The following SGPP2 variants were observed in gnomAD, a reference collection of about 807,000 sequenced individuals.
SGPP2 encodes the protein sphingosine-1-phosphate phosphatase 2, also known as sphingosine 1-phosphate phosphohydrolase 2.
In SGPP2, 30 loss-of-function variants were observed where a neutral mutation model predicts 33.9. The observed-to-expected ratio is 0.89, with a 90% CI of 0.66 to 1.20. The LOEUF is 1.20. SGPP2 is among the 50% of genes most tolerant of loss of function. SGPP2 has a pLI of 0.00. For missense variants in SGPP2, 458 were observed against 532.1 expected (o/e 0.86, Z 1.37); for synonymous variants, 233 against 225.0 (o/e 1.04, Z -0.32).
chr2:222,541,190 C>T (rs975703355), intron 4 of SGPP2, among the ~76,000 whole-genome samples: 4 of 152,182 alleles, frequency 2.6e-5, no homozygotes, highest in African/African-American at 9.7e-5. Context: ...AGCATGGATG[C>T]CCACTTTCGT....
intron 1 of SGPP2, 22 bp from the exon 2 acceptor site, chr2:222,474,546 T>C: frequency 6.2e-7 from 1 of 1,608,494 alleles, no homozygotes; most frequent in Non-Finnish European, 8.5e-7. Flanking sequence ...ACTCACAGAG[T>C]CTTCTAACTT....
intron 1 of SGPP2, among the ~76,000 whole-genome samples, chr2:222,435,028 G>GTATATATATACACA (rs140612447): frequency 7.1e-5 from 10 of 140,572 alleles, no homozygotes; most frequent in East Asian, 2.1e-4. Context: ...GTATATGTGT[G>GTATATATATACACA]TATATATATG....
At chr2:222,492,348 G>T (rs1698209914) in intron 2 of SGPP2, among the ~76,000 whole-genome samples, 1 of 152,258 alleles carries the variant, frequency 6.6e-6, no homozygotes, top group South Asian at 2.1e-4. Context: ...CTAGATGGGT[G>T]TTCCCAAACC....
chr2:222,424,268 G>T (rs1251907900), upstream of SGPP2, among the ~76,000 whole-genome samples: 1 of 151,664 alleles, frequency 6.6e-6, no homozygotes, highest in Non-Finnish European at 1.5e-5. Flanking sequence ...GGAAGAAGGT[G>T]GGGTGGGGGG....
At position 222,445,487 on chromosome 2, in the gene SGPP2, CATA is replaced by C. The variant is rs1697385082; in HGVS notation, c.219+20667_219+20669del. ...TGACTCACACCAGTTGCTTGACCCA[CATA>C]GGCATTTCAATTCATGACTCCTGGC... On this transcript the variant is annotated intron_variant, in intron 1 of 4. Coordinates refer to ENST00000321276, the MANE Select transcript of SGPP2 (RefSeq NM_152386.4). Among the ~76,000 whole-genome samples, 3 of 152,294 alleles carry C rather than the reference CATA, an allele frequency of 2.0e-5. No homozygotes were observed. The South Asian group carries it at 6.2e-4, about 32-fold the overall frequency.
intron 1 of SGPP2, among the ~76,000 whole-genome samples, chr2:222,447,193 G>A (rs4401204): frequency 0.057 from 8,705 of 152,164 alleles, 350 homozygotes; most frequent in Non-Finnish European, 0.085. Flanking sequence ...GAGTAGTGAT[G>A]GCTGCTTGTA....
At chr2:222,467,345 C>G (rs1047576602) in intron 1 of SGPP2, among the ~76,000 whole-genome samples, 9 of 152,216 alleles carry the variant, frequency 5.9e-5, no homozygotes, top group Non-Finnish European at 5.9e-5. Flanking sequence ...CAGCCATGTC[C>G]TGTTGAGACA....
In SGPP2 at chr2:222,460,346, G is replaced by T. The variant is rs1029400266; in HGVS notation, c.220-14222G>T. On this transcript the variant is annotated intron_variant, in intron 1 of 4. Transcript: ENST00000321276. This position sits in a 1 kb window ranked among gnomAD's most constrained non-coding sequence, Gnocchi z 4.3. ...GTTATTTCAGATGTGAGGTGGGAGC[G>T]CAGGGAGGCTCCAGTGGGGCTGCTG... Among the ~76,000 whole-genome samples, 3 of 152,292 alleles carry T rather than the reference G, an allele frequency of 2.0e-5. No homozygotes were observed. Among genetic ancestry groups the T allele is most frequent in the African/African-American group, 7.2e-5 (3 of 41,556 alleles).
rs1559149846 is a variant in SGPP2, at chr2:222,460,429, G to A, written c.220-14139G>A. 2.6e-5 allele frequency among the ~76,000 whole-genome samples: 4 copies of A among 152,226 alleles called. No homozygotes were observed. Among genetic ancestry groups the A allele is most frequent in the South Asian group, 2.1e-4 (1 of 4,822 alleles). On this transcript the variant is annotated intron_variant, in intron 1 of 4. Transcript: ENST00000321276. The surrounding 1 kb of genome is among the most constrained non-coding windows in gnomAD (Gnocchi z 4.3). ...AAACCCCTGAGAACACGACATAAGC[G>A]GTTGAGCTTCATGGCAATATGTCTG...
chr2:222,501,136 T>C (rs1308409672), intron 2 of SGPP2, among the ~76,000 whole-genome samples: 6 of 152,130 alleles, frequency 3.9e-5, no homozygotes, highest in Non-Finnish European at 7.4e-5. Context: ...TTAGAACAAG[T>C]GCACAAGTGT....
intron 4 of SGPP2, among the ~76,000 whole-genome samples, chr2:222,557,645 G>C (rs1329665165): frequency 6.6e-6 from 1 of 152,136 alleles, no homozygotes; most frequent in Non-Finnish European, 1.5e-5. Flanking sequence ...GGACATCAAG[G>C]AGTTAAAGAT....
upstream of SGPP2, chr2:222,424,414 A>G (rs1697025196): frequency 4.8e-6 from 1 of 206,700 alleles, no homozygotes; most frequent in African/African-American, 2.3e-5. Context: ...CGCGTTGCGC[A>G]AGGTGGAGGC....
chr2:222,452,562 T>C (rs1333590516), intron 1 of SGPP2: 1 of 1,180,368 alleles, frequency 8.5e-7, no homozygotes, highest in African/African-American at 1.5e-5. Context: ...CATGCAGGAC[T>C]GTAGAGATTC....
intron 2 of SGPP2, among the ~76,000 whole-genome samples, chr2:222,507,685 T>C (rs11884126): frequency 0.021 from 3,256 of 152,264 alleles, 118 homozygotes; most frequent in African/African-American, 0.073. Flanking sequence ...GCAAAGCATG[T>C]CTCCTGCCCA....
intron 4 of SGPP2, among the ~76,000 whole-genome samples, chr2:222,544,261 T>G (rs1000075444): frequency 6.6e-6 from 1 of 152,230 alleles, no homozygotes; most frequent in South Asian, 2.1e-4. Context: ...ACAGAATGCA[T>G]GCTTTGAATT....
chr2:222,554,765 C>T (rs1050042963), intron 4 of SGPP2, among the ~76,000 whole-genome samples: 1 of 152,168 alleles, frequency 6.6e-6, no homozygotes, highest in African/African-American at 2.4e-5. Context: ...GGGTCCAGAG[C>T]CTGCTTTGCA....
At chr2:222,467,246 T>C (rs993017653) in intron 1 of SGPP2, among the ~76,000 whole-genome samples, 1 of 152,108 alleles carries the variant, frequency 6.6e-6, no homozygotes, top group East Asian at 1.9e-4. Context: ...ATTAACAAGA[T>C]GCCCAGGTCA....
At chr2:222,539,122 G>A (rs745432233) in intron 4 of SGPP2, among the ~76,000 whole-genome samples, 14 of 152,084 alleles carry the variant, frequency 9.2e-5, no homozygotes, top group African/African-American at 1.7e-4. Flanking sequence ...AGTCCCTTCC[G>A]TCTAGGAGCC....
intron 4 of SGPP2, among the ~76,000 whole-genome samples, chr2:222,546,366 G>A (rs939690636): frequency 2.0e-5 from 3 of 152,070 alleles, no homozygotes; most frequent in African/African-American, 7.3e-5. Flanking sequence ...AACATTAAAT[G>A]GCTTAACCTT....
Sources: gnomAD v4.1 joint callset for allele counts (sites outside exome capture counted in the v4.1 genomes callset) on GRCh38, gnomAD v4.1.1 for gene constraint, Gnocchi (gnomAD v3.1) non-coding constraint, MANE v1.5 for transcripts, NCBI Gene and HGNC (gene_info 2026-07-23, HGNC 2026-07-21) for gene names.